The following SNX4 variants were observed in gnomAD, a reference collection of about 807,000 sequenced individuals.
SNX4 encodes sorting nexin-4.
SNX4 carries 49 observed loss-of-function variants against 70.8 expected under a neutral mutation model. The observed-to-expected ratio is 0.69, with a 90% confidence interval of 0.55 to 0.88. SNX4 has a LOEUF of 0.88. Among genes scored for constraint, SNX4 ranks in the 40% least tolerant of loss-of-function variants. SNX4 has a pLI of 0.00. For synonymous variants in SNX4, 206 were observed against 183.8 expected, an observed-to-expected ratio of 1.12 and a Z score of -0.98; for missense variants, 528 against 544.8, an observed-to-expected ratio of 0.97 and a Z score of 0.31.
chr3:125,519,137 G>C (rs1358148229), intron 1 of SNX4, among the ~76,000 whole-genome samples: 1 of 152,202 alleles, frequency 6.6e-6, no homozygotes, highest in Non-Finnish European at 1.5e-5. Context: ...GGTGAAGTGA[G>C]CTGTGTGAGC....
intron 6 of SNX4, among the ~76,000 whole-genome samples, chr3:125,484,733 T>TAAA (rs1350256127): frequency 6.6e-6 from 1 of 152,080 alleles, no homozygotes; most frequent in Non-Finnish European, 1.5e-5. Context: ...GGCTCACATA[T>TAAA]GTAATCCCAG....
intron 1 of SNX4, among the ~76,000 whole-genome samples, chr3:125,515,175 C>T (rs1339156662): frequency 7.6e-6 from 1 of 131,868 alleles, no homozygotes; most frequent in Middle Eastern, 3.6e-3. Flanking sequence ...TGGCAAAACC[C>T]CATCTCTACT....
At chr3:125,490,260 C>T (rs60147822) in intron 5 of SNX4, among the ~76,000 whole-genome samples, 2,056 of 152,090 alleles carry the variant, frequency 0.014, 39 homozygotes, top group African/African-American at 0.039. Flanking sequence ...CTAGGCCGGG[C>T]GCGGTGGCTC....
chr3:125,494,036 C>CA (rs61235927), intron 5 of SNX4, among the ~76,000 whole-genome samples: 50 of 125,932 alleles, frequency 4.0e-4, no homozygotes, highest in Middle Eastern at 4.4e-3. Flanking sequence ...GACTCCATCT[C>CA]AAAAAAAAAA....
intron 1 of SNX4, among the ~76,000 whole-genome samples, chr3:125,508,022 G>A (rs1305461996): frequency 5.9e-5 from 9 of 152,110 alleles, no homozygotes; most frequent in Admixed American, 5.9e-4. Flanking sequence ...TAAAAGACTT[G>A]TACAATGGAA....
At chr3:125,472,048 C>T (rs968861332) in intron 8 of SNX4, among the ~76,000 whole-genome samples, 8 of 152,194 alleles carry the variant, frequency 5.3e-5, no homozygotes, top group Non-Finnish European at 7.3e-5. Context: ...AATTCCTGCT[C>T]ATTTCTCACC....
intron 2 of SNX4, among the ~76,000 whole-genome samples, chr3:125,501,486 G>T (rs1312212183): frequency 6.6e-6 from 1 of 152,088 alleles, no homozygotes; most frequent in Non-Finnish European, 1.5e-5. Flanking sequence ...TGGGTGTGGT[G>T]GTGCAAGTCT....
At chr3:125,505,279 T>G (rs1269133481) in intron 1 of SNX4, among the ~76,000 whole-genome samples, 2 of 152,090 alleles carry the variant, frequency 1.3e-5, no homozygotes, top group African/African-American at 4.8e-5. Flanking sequence ...CTTCCAGAGG[T>G]AGTTTAAAAG....
At chr3:125,461,938 C>T (rs1933895743) in intron 9 of SNX4, among the ~76,000 whole-genome samples, 1 of 152,202 alleles carries the variant, frequency 6.6e-6, no homozygotes, top group African/African-American at 2.4e-5. Flanking sequence ...CAGGCGTGAG[C>T]CACAGCGCCC....
intron 8 of SNX4, among the ~76,000 whole-genome samples, chr3:125,471,592 G>A (rs1209128765): frequency 2.0e-5 from 3 of 152,056 alleles, no homozygotes; most frequent in Admixed American, 2.0e-4. Context: ...GCTTCCATAT[G>A]GATTCACAAC....
At chr3:125,519,954 G>A in intron 1 of SNX4, 78 bp downstream of exon 1, 1 of 1,081,878 alleles carries the variant, frequency 9.2e-7, no homozygotes, top group Admixed American at 3.8e-5. Context: ...GCCCGGCCCA[G>A]CCCAGCCCAG....
At chr3:125,457,202 A>G (rs1157320047) in intron 11 of SNX4, 64 bp downstream of exon 11, 6 of 1,121,100 alleles carry the variant, frequency 5.4e-6, no homozygotes, top group Non-Finnish European at 8.2e-6. Flanking sequence ...ACTCAGAGTG[A>G]GTGCTTGTGA....
At chr3:125,471,946 C>T (rs1283113287) in intron 8 of SNX4, among the ~76,000 whole-genome samples, 5 of 152,170 alleles carry the variant, frequency 3.3e-5, no homozygotes, top group Admixed American at 6.6e-5. Context: ...ATAAACTCCT[C>T]TACTTAAATG....
intron 1 of SNX4, among the ~76,000 whole-genome samples, chr3:125,519,734 C>T (rs1487491968): frequency 6.6e-6 from 1 of 152,154 alleles, no homozygotes; most frequent in Non-Finnish European, 1.5e-5. Flanking sequence ...GGGGCCCAGA[C>T]CCCCACGCCT....
chr3:125,449,100 A>G (rs1422284203), intron 13 of SNX4: 1 of 152,066 alleles, frequency 6.6e-6, no homozygotes, highest in Non-Finnish European at 1.5e-5. Flanking sequence ...GGTTTTGAAC[A>G]ATTTTCTTTT....
chr3:125,497,924 C>T lies in SNX4; in HGVS notation c.459G>A (p.Arg153=), dbSNP rs940040037. 3 of 1,614,044 alleles carry T rather than the reference C, an allele frequency of 1.9e-6. No individual in the cohort carries two copies. The African/African-American group carries it at 4.0e-5, about 22-fold the overall frequency. ...GAAAGTTTTCTAAACCAATCCGTCG[C>T]CTCTCCACAAAATCTGGATCCATGT... ...ADNMDPDFVE[R]RRIGLENFLL... The change falls in exon 4 of 14, where the codon AGG becomes AGA. Residue 153 remains arginine, a synonymous_variant. Coordinates refer to ENST00000251775, the MANE Select transcript of SNX4 (RefSeq NM_003794.4).
At chr3:125,456,206 G>C (rs74504115) in intron 11 of SNX4, among the ~76,000 whole-genome samples, 5,744 of 152,248 alleles carry the variant, frequency 0.038, 244 homozygotes, top group African/African-American at 0.092. Flanking sequence ...AGTACTCACT[G>C]TAAGCATTAA....
At chr3:125,487,232 C>T (rs909779373) in intron 6 of SNX4, among the ~76,000 whole-genome samples, 1 of 152,080 alleles carries the variant, frequency 6.6e-6, no homozygotes, top group African/African-American at 2.4e-5. Context: ...GACCAATATA[C>T]ACAATTATCC....
At chr3:125,498,463 G>A (rs544897266) in intron 2 of SNX4, among the ~76,000 whole-genome samples, 125 of 152,234 alleles carry the variant, frequency 8.2e-4, no homozygotes, top group East Asian at 2.5e-3. Flanking sequence ...GGGACCACAG[G>A]CACATGTCAC....
Sources: gnomAD v4.1 joint callset for allele counts (sites outside exome capture counted in the v4.1 genomes callset) on GRCh38, gnomAD v4.1.1 for gene constraint, MANE v1.5 for transcripts, NCBI Gene and HGNC (gene_info 2026-07-23, HGNC 2026-07-21) for gene names.